ALMS1: variants seen among roughly 807,000 people sequenced by gnomAD.
ALMS1 encodes centrosome-associated protein ALMS1.
In ALMS1, 271 loss-of-function variants were observed where a neutral mutation model predicts 352.2. The observed-to-expected ratio is 0.77, with a 90% CI of 0.70 to 0.85. The LOEUF (loss-of-function observed/expected upper bound fraction) is 0.85, where lower values mean the gene tolerates loss of function less well. Among genes scored for constraint, ALMS1 ranks in the 40% least tolerant of loss-of-function variants. The pLI is 0.00. For missense variants in ALMS1, 5,445 were observed against 4,870.7 expected, an observed-to-expected ratio of 1.12 and a Z score of -3.51; for synonymous variants, 1,865 against 1,761.2, an observed-to-expected ratio of 1.06 and a Z score of -1.48.
intron 9 of ALMS1, among the ~76,000 whole-genome samples, chr2:73,474,399 G>GTGTC (rs1553407456): frequency 2.8e-5 from 2 of 72,282 alleles, no homozygotes; most frequent in African/African-American, 9.0e-5. Context: ...GTGTGTGTGT[G>GTGTC]TGTGTGTGTG....
At chr2:73,404,899 CTT>C (rs58122480) in intron 1 of ALMS1, among the ~76,000 whole-genome samples, 43 of 60,780 alleles carry the variant, frequency 7.1e-4, no homozygotes, top group African/African-American at 4.2e-3. Context: ...TGTCCTGGAC[CTT>C]TTTTTTTTTT....
At chr2:73,466,026 A>G (rs1350360661) in intron 9 of ALMS1, among the ~76,000 whole-genome samples, 23 of 151,146 alleles carry the variant, frequency 1.5e-4, no homozygotes, top group Admixed American at 1.5e-3. Context: ...AACACTTTAC[A>G]CTGTTGGTGG....
intron 15 of ALMS1, among the ~76,000 whole-genome samples, chr2:73,567,225 C>A (rs1286911756): frequency 6.6e-6 from 1 of 152,208 alleles, no homozygotes; most frequent in Non-Finnish European, 1.5e-5. Context: ...AAACAGGCCC[C>A]CCATCCTAAG....
chr2:73,536,508 TGA>T (rs1324368258), intron 12 of ALMS1, among the ~76,000 whole-genome samples: 2 of 152,120 alleles, frequency 1.3e-5, no homozygotes, highest in Non-Finnish European at 2.9e-5. Context: ...TCATCTATTC[TGA>T]GAGTGAGGAA....
chr2:73,465,871 AAC>A (rs1297132287), intron 9 of ALMS1, among the ~76,000 whole-genome samples: 2 of 152,236 alleles, frequency 1.3e-5, no homozygotes, highest in South Asian at 2.1e-4. Context: ...GCAGGCAAAA[AAC>A]ACATGAAAAA....
Position 73,490,328 on chromosome 2 carries a change from A to C in ALMS1, c.8369A>C (p.Glu2790Ala). ...GATAAAGAAGTGACTATTTTAGCAG[A>C]AGGTAGAAGGCAAAGCCAAAAATTA... ...SQDKEVTILA[E>A]GRRQSQKLPV... The change falls in exon 10 of 23, where the codon GAA becomes GCA. Residue 2790 changes from glutamate (E) to alanine (A), a missense_variant. Physicochemically the swap from Glu to Ala is moderately radical, Grantham distance 107 (BLOSUM62 -1). Transcript: ENST00000613296. 1 of 1,611,638 alleles carries C rather than the reference A, an allele frequency of 6.2e-7. No individual in the cohort carries two copies. The highest frequency in any genetic ancestry group is 8.5e-7 in the Non-Finnish European group (1 of 1,178,908).
intron 12 of ALMS1, among the ~76,000 whole-genome samples, chr2:73,543,946 A>G (rs1674254398): frequency 6.6e-6 from 1 of 152,234 alleles, no homozygotes; most frequent in African/African-American, 2.4e-5. Context: ...CCATTGTTGA[A>G]GTCAGTGTGG....
intron 12 of ALMS1, among the ~76,000 whole-genome samples, chr2:73,541,773 A>G (rs1382452326): frequency 7.2e-5 from 11 of 152,360 alleles, no homozygotes; most frequent in Admixed American, 6.5e-4. Context: ...TCTAGAAGAA[A>G]TGGATAAATT....
chr2:73,598,948 G>A (rs1008810518), intron 16 of ALMS1, among the ~76,000 whole-genome samples: 3 of 152,154 alleles, frequency 2.0e-5, no homozygotes, highest in African/African-American at 7.2e-5. Context: ...CGTCTCACGA[G>A]CCTTGTAGGT....
At chr2:73,465,837 C>T (rs543194502) in intron 9 of ALMS1, among the ~76,000 whole-genome samples, 1 of 152,302 alleles carries the variant, frequency 6.6e-6, no homozygotes, top group East Asian at 1.9e-4. Context: ...TATGAACAGA[C>T]ACTTCTCAAA....
chr2:73,386,260 C>A, intron 1 of ALMS1, 68 bp downstream of exon 1: 1 of 1,415,078 alleles, frequency 7.1e-7, no homozygotes. Context: ...CCCGAGCGCT[C>A]CGCCCGCCCG....
At chr2:73,588,603 T>G (rs1386192939) in intron 16 of ALMS1, among the ~76,000 whole-genome samples, 1 of 152,212 alleles carries the variant, frequency 6.6e-6, no homozygotes, top group East Asian at 1.9e-4. Flanking sequence ...AGTTTACTAT[T>G]GTCAGTACAA....
chr2:73,591,192 A>G (rs75847944), intron 16 of ALMS1, among the ~76,000 whole-genome samples: 1 of 152,272 alleles, frequency 6.6e-6, no homozygotes, highest in Non-Finnish European at 1.5e-5. Context: ...TTCTGTGTTC[A>G]TGCTAAAAAA....
Position 73,385,903 on chromosome 2 carries a change from TGGAGGAGGAGGAGGAGGAGGAGGAGGA to T in ALMS1, c.48_74del (p.Glu20_Glu28del), listed in dbSNP as rs55889738. On this transcript the variant is annotated inframe_deletion, in exon 1 of 23. Coordinates refer to ENST00000613296, the MANE Select transcript of ALMS1 (RefSeq NM_001378454.1). ...GAGGATCTGCCATGGCCGGGCGAGC[TGGAGGAGGAGGAGGAGGAGGAGGAGGA>T]GGAGGAGGAGGAAGAGGAGGAGGCT... 9 of 701,276 alleles carry T rather than the reference TGGAGGAGGAGGAGGAGGAGGAGGAGGA, an allele frequency of 1.3e-5. No individual in the cohort carries two copies. Among genetic ancestry groups the T allele is most frequent in the Non-Finnish European group, 2.2e-5 (9 of 401,934 alleles). 43.4% of individuals were successfully genotyped at this position (701,276 alleles called of 1,614,324 possible). A position where few individuals can be genotyped will look rare whatever the true frequency, so the allele number is the denominator to read the frequency against.
intron 12 of ALMS1, among the ~76,000 whole-genome samples, chr2:73,542,779 A>G (rs899536339): frequency 2.0e-5 from 3 of 152,144 alleles, no homozygotes; most frequent in Non-Finnish European, 2.9e-5. Context: ...TTCAAAGAGA[A>G]TAAAATACCT....
chr2:73,424,870 A>T lies in ALMS1; in HGVS notation c.1205A>T (p.Asp402Val). 6.2e-7 allele frequency: 1 copy of T among 1,604,640 alleles called. No individual in the cohort carries two copies. Among genetic ancestry groups the T allele is most frequent in the Non-Finnish European group, 8.5e-7 (1 of 1,174,712 alleles). Residue 402 changes from aspartate to valine, a missense_variant, in exon 5 of 23, where the codon GAT (aspartate) becomes GTT (valine). Coordinates refer to ENST00000613296, the MANE Select transcript of ALMS1 (RefSeq NM_001378454.1). ...TATGGGCAGTATTGGACACAGGAAG[A>T]TTCATCTAAGCAGGCAGAAACATAT... ...RSYGQYWTQE[D>V]SSKQAETYLT...
chr2:73,451,449 T>A lies in ALMS1; in HGVS notation c.4922T>A (p.Val1641Asp). The change falls in exon 8 of 23, where the codon GTT (valine) becomes GAT (aspartate). Residue 1641 changes from valine to aspartate, a missense_variant. Coordinates refer to ENST00000613296, the MANE Select transcript of ALMS1 (RefSeq NM_001378454.1). ...ALLDSPLNKE[V>D]VKVSAAPGPA... is the part of the protein sequence containing the mutation. ...CTAGACAGTCCTCTAAATAAAGAGG[T>A]TGTGAAAGTTTCAGCTGCTCCTGGA... 6.2e-7 allele frequency: 1 copy of A among 1,608,686 alleles called. No individual in the cohort carries two copies. Among genetic ancestry groups the A allele is most frequent in the Non-Finnish European group, 8.5e-7 (1 of 1,177,996 alleles).
At position 73,453,214 on chromosome 2, in the gene ALMS1, CAG is replaced by C. The variant is rs1412045635; in HGVS notation, c.6690_6691del (p.Arg2230SerfsTer5). The C allele has an allele frequency of 6.2e-7, 1 of 1,614,000 alleles. No individual in the cohort carries two copies. The highest frequency in any genetic ancestry group is 1.1e-5 in the South Asian group (1 of 91,074). On this transcript the variant is annotated frameshift_variant, in exon 8 of 23. Coordinates refer to ENST00000613296, the MANE Select transcript of ALMS1 (RefSeq NM_001378454.1). LOFTEE classifies it high-confidence loss of function. ...TGCTTTTAAATTCTCAGGCTGATGA[CAG>C]AGTTGTAATAAATAAACCAGAATCT... is the stretch of plus-strand genomic sequence containing the variant. Reference protein sequence around the residue: ...NVLLNSQADDRVVINKPESAG... With the variant: ...NVLLNSQADDXVVINKPESAG...
At chr2:73,431,733 A>T (rs1671502952) in intron 6 of ALMS1, among the ~76,000 whole-genome samples, 1 of 152,066 alleles carries the variant, frequency 6.6e-6, no homozygotes, top group African/African-American at 2.4e-5. Flanking sequence ...AACATTTGTG[A>T]GTTTCTAGAA....
Sources: allele counts gnomAD v4.1 joint callset (sites outside exome capture counted in the v4.1 genomes callset), GRCh38; gene constraint gnomAD v4.1.1; transcripts MANE v1.5; gene names NCBI Gene and HGNC (gene_info 2026-07-23, HGNC 2026-07-21).